The following MYO16 variants were observed in gnomAD, a reference collection of about 807,000 sequenced individuals.
The protein encoded by MYO16 is myosin XVI.
A neutral mutation model predicts 205.3 loss-of-function variants in MYO16; 94 were observed. The ratio of observed to expected loss-of-function variants is 0.46; its 90% CI spans 0.39 to 0.54. MYO16 has a LOEUF of 0.54. Among genes scored for constraint, MYO16 ranks in the 20% least tolerant of loss-of-function variants. The pLI is 0.00. For synonymous variants in MYO16, 988 were observed against 954.0 expected (o/e 1.04, Z -0.66); for missense variants, 2,315 against 2,387.5 (o/e 0.97, Z 0.63).
upstream of MYO16, chr13:108,629,566 G>A: frequency 2.7e-6 from 1 of 370,140 alleles, no homozygotes; most frequent in Admixed American, 4.1e-5. Context: ...CCGGGATTGT[G>A]GTACTCGGGG....
chr13:108,571,616 G>T, the MYO16 span, among the ~76,000 whole-genome samples: 1 of 152,114 alleles, frequency 6.6e-6, no homozygotes, highest in Non-Finnish European at 1.5e-5. Context: ...GAAGCCATGT[G>T]AGCAGGAGGT....
intron 4 of MYO16, among the ~76,000 whole-genome samples, chr13:108,784,743 T>C (rs1196066350): frequency 6.6e-6 from 1 of 152,220 alleles, no homozygotes; most frequent in African/African-American, 2.4e-5. Flanking sequence ...AACTTTCCTT[T>C]GTCTGGCCTG....
At chr13:109,024,486 T>A (rs1264979880) in intron 23 of MYO16, among the ~76,000 whole-genome samples, 2 of 147,136 alleles carry the variant, frequency 1.4e-5, no homozygotes, top group Non-Finnish European at 2.9e-5. Flanking sequence ...GTTTAAAAAA[T>A]TGTACATTCA....
In MYO16 at chr13:108,888,357, C is replaced by T. The variant is rs753355936; in HGVS notation, c.1554-15C>T. ...GTTCCTTCAAACTTATGTTTTTCCTCTCTGTTTTCCTTAGTGGAGAAAGGG... is the reference window on the plus strand; with the variant it reads ...GTTCCTTCAAACTTATGTTTTTCCTTTCTGTTTTCCTTAGTGGAGAAAGGG... On this transcript the variant is annotated splice_polypyrimidine_tract_variant and intron_variant, in intron 13 of 34. Coordinates refer to ENST00000457511, the MANE Select transcript of MYO16 (RefSeq NM_001198950.3). The T allele has an allele frequency of 6.5e-7, 1 of 1,544,268 alleles. No individual in the cohort carries two copies. The highest frequency in any genetic ancestry group is 8.7e-7 in the Non-Finnish European group (1 of 1,143,882).
chr13:108,600,321 T>C (rs1001509538), intron 1 of MYO16, among the ~76,000 whole-genome samples: 2 of 152,178 alleles, frequency 1.3e-5, no homozygotes, highest in African/African-American at 4.8e-5. Flanking sequence ...TAAGCTGCAG[T>C]CTTTTTGTAT....
At chr13:108,622,330 G>A (rs1410951192) in intron 1 of MYO16, among the ~76,000 whole-genome samples, 1 of 152,168 alleles carries the variant, frequency 6.6e-6, no homozygotes, top group East Asian at 1.9e-4. Flanking sequence ...CTGGGCGCTT[G>A]GCATTACAGC....
the MYO16 span, among the ~76,000 whole-genome samples, chr13:108,517,442 C>T: frequency 3.3e-5 from 5 of 152,162 alleles, no homozygotes; most frequent in South Asian, 1.0e-3. Context: ...GTTGTACGCC[C>T]TGCTGGTGAA....
In MYO16 at chr13:109,052,336, C is replaced by G. The variant is rs45520342; in HGVS notation, c.2909C>G (p.Ser970Trp). ...ENVVINHLFQ[S>W]KLSQTGSLVS... ...GTCGTGATCAATCATTTGTTCCAGT[C>G]GAAATTGTCACAAACAGGATCCCTC... The change falls in exon 25 of 35, where the codon TCG becomes TGG. Residue 970 changes from serine to tryptophan, a missense_variant. By Grantham distance (177) the Ser-to-Trp change is radical (BLOSUM62 -3). Coordinates refer to ENST00000457511, the MANE Select transcript of MYO16 (RefSeq NM_001198950.3). 2.5e-6 allele frequency: 4 copies of G among 1,613,250 alleles called. No homozygotes were observed. In the East Asian group the frequency reaches 8.9e-5, roughly 36 times the overall value.
intron 14 of MYO16, among the ~76,000 whole-genome samples, chr13:108,895,255 T>C (rs919238876): frequency 6.6e-6 from 1 of 150,968 alleles, no homozygotes; most frequent in Admixed American, 6.6e-5. Context: ...TTGAGGAAAA[T>C]ATATATATTT....
At chr13:108,765,581 A>G (rs1490945544) in intron 4 of MYO16, among the ~76,000 whole-genome samples, 2 of 152,128 alleles carry the variant, frequency 1.3e-5, no homozygotes, top group East Asian at 3.9e-4. Context: ...TTGCTACACC[A>G]TGACTTTCTG....
the MYO16 span, among the ~76,000 whole-genome samples, chr13:108,555,109 A>G: frequency 6.6e-6 from 1 of 152,166 alleles, no homozygotes; most frequent in Admixed American, 6.5e-5. Context: ...TGTCTTCTTT[A>G]AAGCAATTAT....
chr13:109,154,343 G>A (rs986130646), intron 32 of MYO16, among the ~76,000 whole-genome samples: 13 of 152,142 alleles, frequency 8.5e-5, no homozygotes, highest in Non-Finnish European at 1.5e-4. Flanking sequence ...GGCCTGCCAC[G>A]TTTCTCCTTG....
intron 27 of MYO16, among the ~76,000 whole-genome samples, chr13:109,066,122 C>G (rs145576053): frequency 4.6e-5 from 7 of 152,192 alleles, no homozygotes; most frequent in Admixed American, 2.0e-4. Flanking sequence ...ATTGGGTGTT[C>G]GGAGAGGGAT....
At chr13:108,652,170 T>A (rs986497672) in intron 1 of MYO16, among the ~76,000 whole-genome samples, 6 of 151,542 alleles carry the variant, frequency 4.0e-5, no homozygotes, top group African/African-American at 1.5e-4. Context: ...CGCGCGCATG[T>A]GTGCGCGTGT....
At chr13:108,600,283 G>T (rs868758228) in intron 1 of MYO16, among the ~76,000 whole-genome samples, 1 of 152,198 alleles carries the variant, frequency 6.6e-6, no homozygotes, top group Non-Finnish European at 1.5e-5. Flanking sequence ...CTGATCATTG[G>T]CATTGCTTAA....
chr13:109,178,491 A>G (rs1327747623), intron 33 of MYO16, among the ~76,000 whole-genome samples: 3 of 152,236 alleles, frequency 2.0e-5, no homozygotes, highest in Non-Finnish European at 4.4e-5. Context: ...GGAATTATGT[A>G]TATGTTTAAT....
At chr13:108,598,065 T>C (rs779801777) in intron 1 of MYO16, among the ~76,000 whole-genome samples, 18 of 152,088 alleles carry the variant, frequency 1.2e-4, no homozygotes, top group Non-Finnish European at 1.8e-4. Context: ...AAAAGGTGAA[T>C]CACCAGCACC....
chr13:108,959,853 G>C (rs957163324), intron 17 of MYO16, among the ~76,000 whole-genome samples: 1 of 152,020 alleles, frequency 6.6e-6, no homozygotes, highest in Non-Finnish European at 1.5e-5. Context: ...GCACATTATA[G>C]CTATTTTCAC....
At chr13:108,727,387 A>G in intron 3 of MYO16, 53 bp from the exon 4 acceptor site, 1 of 1,558,222 alleles carries the variant, frequency 6.4e-7, no homozygotes, top group Non-Finnish European at 8.8e-7. Flanking sequence ...ATTTGGAATA[A>G]GCCATATCAC....
Sources: gnomAD v4.1 joint callset for allele counts (sites outside exome capture counted in the v4.1 genomes callset) on GRCh38, gnomAD v4.1.1 for gene constraint, MANE v1.5 for transcripts, NCBI Gene and HGNC (gene_info 2026-07-23, HGNC 2026-07-21) for gene names.